The following ACTN4 variants were observed in gnomAD, a reference collection of about 807,000 sequenced individuals.
ACTN4 encodes the protein alpha-actinin-4.
In ACTN4, 18 loss-of-function variants were observed where a neutral mutation model predicts 114.2. The ratio of observed to expected loss-of-function variants is 0.16; its 90% confidence interval spans 0.11 to 0.23. ACTN4 has a LOEUF of 0.23. ACTN4 is among the 10% of genes least tolerant of loss of function. ACTN4 has a pLI of 1.00. For missense variants in ACTN4, 722 were observed against 1,262.9 expected (o/e 0.57, Z 6.49); for synonymous variants, 515 against 506.3 (o/e 1.02, Z -0.23).
At chr19:38,721,779 T>G (rs1256375154) in intron 12 of ACTN4, 91 bp downstream of exon 12, 1 of 1,569,078 alleles carries the variant, frequency 6.4e-7, no homozygotes, top group Non-Finnish European at 8.6e-7. Flanking sequence ...CCAGCCTGCC[T>G]CAAGGCCTGG....
rs1475358443 is a variant in ACTN4 at position 38,728,045 on chromosome 19, C to T, written c.2418+19C>T. On this transcript the variant is annotated intron_variant, in intron 19 of 20. Coordinates refer to ENST00000252699, the MANE Select transcript of ACTN4 (RefSeq NM_004924.6). ...CCGGCAGGTACTGCACCCTGGGCCCCAGCGGACCATGGCATTAACTGCTCT... is the reference window on the plus strand; with the variant it reads ...CCGGCAGGTACTGCACCCTGGGCCCTAGCGGACCATGGCATTAACTGCTCT... 6.3e-7 allele frequency: 1 copy of T among 1,599,310 alleles called. No individual in the cohort carries two copies. Among genetic ancestry groups the T allele is most frequent in the Non-Finnish European group, 8.5e-7 (1 of 1,173,394 alleles).
rs114707774 is a variant in ACTN4, at chr19:38,697,842, G to A, written c.163-2758G>A. Among the ~76,000 whole-genome samples, 599 of 152,326 alleles carry A rather than the reference G, an allele frequency of 3.9e-3. 4 individuals carry two copies. The highest frequency in any genetic ancestry group is 0.014 in the African/African-American group (567 of 41,564). ...ATGTGAGAGTAGAGGCCTAGCATCC[G>A]TGGCCACTTCCTTCCCAGCCCATTT... On this transcript the variant is annotated intron_variant, in intron 1 of 20. Transcript: ENST00000252699.
At chr19:38,718,288 A>C in intron 11 of ACTN4, 1 of 833,882 alleles carries the variant, frequency 1.2e-6, no homozygotes, top group Non-Finnish European at 2.0e-6. Flanking sequence ...GCACTTTGGC[A>C]GGCCAAGGCA....
At chr19:38,669,251 G>T (rs1022221277) in intron 1 of ACTN4, among the ~76,000 whole-genome samples, 2 of 152,012 alleles carry the variant, frequency 1.3e-5, no homozygotes, top group African/African-American at 2.4e-5. Context: ...CTCCCAAAGT[G>T]CTGGGATTAC....
At chr19:38,684,833 G>A (rs1967691913) in intron 1 of ACTN4, among the ~76,000 whole-genome samples, 3 of 151,382 alleles carry the variant, frequency 2.0e-5, no homozygotes, top group Admixed American at 2.0e-4. Context: ...CACTGCTAAT[G>A]TTGTCTGTCT....
chr19:38,696,270 G>T (rs915883359), intron 1 of ACTN4, among the ~76,000 whole-genome samples: 7 of 152,050 alleles, frequency 4.6e-5, no homozygotes, highest in Non-Finnish European at 1.0e-4. Flanking sequence ...TTCAGCACAG[G>T]GCCTGGCCCT....
chr19:38,731,425 C>T lies in ACTN4; in HGVS notation c.*1993C>T, dbSNP rs969060443. On this transcript the variant is annotated 3_prime_UTR_variant, in exon 21 of 21. Transcript: ENST00000252699. ...CATCCATCAAACGGACTAAGACAGC[C>T]CCGACCCCATAGGGTGTGTGAAGAC... is the stretch of plus-strand genomic sequence containing the variant. 33 of 606,860 alleles carry T rather than the reference C, an allele frequency of 5.4e-5. No homozygotes were observed. The East Asian group carries it at 6.4e-4, about 12-fold the overall frequency. 37.6% of individuals were successfully genotyped at this position (606,860 alleles called of 1,614,324 possible). A position where few individuals can be genotyped will look rare whatever the true frequency, so the allele number is the denominator to read the frequency against.
intron 1 of ACTN4, among the ~76,000 whole-genome samples, chr19:38,663,410 C>A (rs1220722022): frequency 6.6e-6 from 1 of 152,146 alleles, no homozygotes; most frequent in African/African-American, 2.4e-5. Context: ...AAAGAGCTCG[C>A]GGTGTAGCTG....
intron 1 of ACTN4, among the ~76,000 whole-genome samples, chr19:38,663,489 C>A (rs576998673): frequency 6.0e-4 from 91 of 152,290 alleles, no homozygotes; most frequent in Non-Finnish European, 7.5e-4. Context: ...TCACAGCACT[C>A]TAGCTGTGTC....
intron 1 of ACTN4, among the ~76,000 whole-genome samples, chr19:38,679,924 TC>T (rs1441586235): frequency 6.6e-6 from 1 of 152,156 alleles, no homozygotes; most frequent in Non-Finnish European, 1.5e-5. Flanking sequence ...TGACTCTTCT[TC>T]CTCATCTCCT....
intron 1 of ACTN4, among the ~76,000 whole-genome samples, chr19:38,689,735 G>A (rs1967861959): frequency 6.6e-6 from 1 of 151,950 alleles, no homozygotes; most frequent in African/African-American, 2.4e-5. Flanking sequence ...GTGCAGTGGC[G>A]CGATCTTGGC....
In ACTN4 at chr19:38,731,296, C is replaced by T; in HGVS notation, c.*1864C>T. ...TTGGCATTGCATCCCCACCCCACCTCCTCAGGGAGGACATGAATGCCACAG... is the reference window on the plus strand; with the variant it reads ...TTGGCATTGCATCCCCACCCCACCTTCTCAGGGAGGACATGAATGCCACAG... On this transcript the variant is annotated 3_prime_UTR_variant, in exon 21 of 21. Coordinates refer to ENST00000252699, the MANE Select transcript of ACTN4 (RefSeq NM_004924.6). 2 of 1,179,704 alleles carry T rather than the reference C, an allele frequency of 1.7e-6. No individual in the cohort carries two copies. Among genetic ancestry groups the T allele is most frequent in the South Asian group, 2.4e-5 (2 of 81,800 alleles). The allele number at this position is 1,179,704 out of a possible 1,614,324, so 73.1% of individuals were successfully genotyped here. A position where few individuals can be genotyped will look rare whatever the true frequency, so the allele number is the denominator to read the frequency against.
chr19:38,696,587 A>G (rs1002830844), intron 1 of ACTN4, among the ~76,000 whole-genome samples: 12 of 152,238 alleles, frequency 7.9e-5, no homozygotes, highest in Non-Finnish European at 1.2e-4. Context: ...GTCTCTCCGC[A>G]TGGAGAAGTG....
At chr19:38,708,458 C>T (rs1382032418) in intron 6 of ACTN4, among the ~76,000 whole-genome samples, 1 of 152,248 alleles carries the variant, frequency 6.6e-6, no homozygotes, top group Non-Finnish European at 1.5e-5. Context: ...AGGGCCTGGC[C>T]AGCCATGCTT....
chr19:38,726,689 G>A (rs1288857690), intron 17 of ACTN4, among the ~76,000 whole-genome samples: 4 of 152,206 alleles, frequency 2.6e-5, no homozygotes, highest in African/African-American at 7.2e-5. Flanking sequence ...ACCAGAGTTT[G>A]TCCAAACAGT....
chr19:38,710,510 A>C (rs770013691), intron 8 of ACTN4, among the ~76,000 whole-genome samples, 168 bp downstream of exon 8: 8 of 152,180 alleles, frequency 5.3e-5, no homozygotes, highest in Non-Finnish European at 8.8e-5. Flanking sequence ...CTTAGCTCAC[A>C]CACCTATTGG....
At chr19:38,713,021 T>G (rs1407153328) in intron 8 of ACTN4, among the ~76,000 whole-genome samples, 3 of 152,028 alleles carry the variant, frequency 2.0e-5, no homozygotes, top group African/African-American at 7.2e-5. Flanking sequence ...AAGTGCTGGG[T>G]CCCTGTGTGC....
At position 38,727,082 on chromosome 19, in the gene ACTN4, G is replaced by C; in HGVS notation, c.2316G>C (p.Ala772=). 6.2e-7 allele frequency: 1 copy of C among 1,614,056 alleles called. No homozygotes were observed. Among genetic ancestry groups the C allele is most frequent in the Non-Finnish European group, 8.5e-7 (1 of 1,180,016 alleles). Reference sequence around the variant, plus strand: ...AGGAGCAGATGCAGGAGTTCCGGGCGTCCTTCAACCACTTCGACAAGGTGA... The same window carrying C: ...AGGAGCAGATGCAGGAGTTCCGGGCCTCCTTCAACCACTTCGACAAGGTGA... ...ISQEQMQEFR[A]SFNHFDKDHG... The change falls in exon 18 of 21, where the codon GCG becomes GCC. Residue 772 remains alanine, a synonymous_variant. Transcript: ENST00000252699. This position sits in a 1 kb window ranked among gnomAD's most constrained non-coding sequence, Gnocchi z 5.4.
intron 1 of ACTN4, among the ~76,000 whole-genome samples, chr19:38,674,733 A>G (rs572422892): frequency 6.6e-6 from 1 of 152,308 alleles, no homozygotes; most frequent in African/African-American, 2.4e-5. Context: ...TTTCTCTAAC[A>G]TTAGGGCCGA....
Sources: allele counts gnomAD v4.1 joint callset (sites outside exome capture counted in the v4.1 genomes callset), GRCh38; gene constraint gnomAD v4.1.1; non-coding constraint Gnocchi (gnomAD v3.1); transcripts MANE v1.5; gene names NCBI Gene and HGNC (gene_info 2026-07-23, HGNC 2026-07-21).